The following ZNF8 variants were observed in gnomAD, a reference collection of about 807,000 sequenced individuals.
ZNF8 encodes the protein zinc finger protein 8.
In ZNF8, 9 loss-of-function variants were observed where a neutral mutation model predicts 12.2. The observed-to-expected ratio is 0.73, with a 90% confidence interval of 0.44 to 1.28. The LOEUF is 1.28. Ranked by LOEUF, ZNF8 falls within the 50% of genes most tolerant of loss-of-function variation. The pLI is 0.00. For missense variants in ZNF8, 664 were observed against 729.1 expected (o/e 0.91, Z 1.03); for synonymous variants, 274 against 282.3 (o/e 0.97, Z 0.30).
At position 58,295,591 on chromosome 19, in the gene ZNF8, CA is replaced by C; in HGVS notation, c.*56del. On this transcript the variant is annotated 3_prime_UTR_variant, in exon 4 of 4. Transcript: ENST00000621650. The stretch of plus-strand genomic sequence containing the variant: ...ACAAGTAAAAAATGTGGTAAGTCCA[CA>C]TAGTGTACTCATGGAAGGAGGGGCT... 7.1e-7 allele frequency: 1 copy of C among 1,406,082 alleles called. No homozygotes were observed. The highest frequency in any genetic ancestry group is 9.7e-7 in the Non-Finnish European group (1 of 1,027,238). 87.1% of individuals were successfully genotyped at this position (1,406,082 alleles called of 1,614,324 possible). A position where few individuals can be genotyped will look rare whatever the true frequency, so the allele number is the denominator to read the frequency against.
At chr19:58,291,992 G>A (rs1002913908) in intron 3 of ZNF8, among the ~76,000 whole-genome samples, 2 of 152,248 alleles carry the variant, frequency 1.3e-5, no homozygotes, top group African/African-American at 2.4e-5. Flanking sequence ...GCACAGGGTC[G>A]TGTCCATCCT....
chr19:58,287,881 T>TTTA (rs61096160), intron 3 of ZNF8, among the ~76,000 whole-genome samples: 1 of 147,426 alleles, frequency 6.8e-6, no homozygotes, highest in Non-Finnish European at 1.5e-5. Flanking sequence ...TTTTTTTTTT[T>TTTA]AGAGATGGGG....
rs1020787161 is a variant in ZNF8, at chr19:58,299,458, A to G, written c.*3922A>G. On this transcript the variant is annotated 3_prime_UTR_variant, in exon 4 of 4. Transcript: ENST00000621650. ...CCATGTTGGAATGGTTGAGCATTGG[A>G]ACGCATTAGCATCAGAACTTCCCGT... 1 of 147,820 alleles carries G rather than the reference A, an allele frequency of 6.8e-6. No individual in the cohort carries two copies. The highest frequency in any genetic ancestry group is 2.2e-4 in the South Asian group (1 of 4,446). The allele number at this position is 147,820 out of a possible 1,614,324, so 9.2% of individuals were successfully genotyped here.
Position 58,295,491 on chromosome 19 carries a change from T to G in ZNF8, c.1683T>G (p.Pro561=), listed in dbSNP as rs755891552. Residue 561 remains proline, a synonymous_variant, in exon 4 of 4, where the codon CCT becomes CCG. Transcript: ENST00000621650. The part of the protein sequence containing the change: ...NPVHVIGVEE[P]SVGASMLFDI... ...TGCACGTTATTGGGGTGGAAGAGCC[T>G]TCTGTGGGTGCTTCCATGTTATTTG... is the stretch of plus-strand genomic sequence containing the variant. The G allele has an allele frequency of 1.9e-6, 3 of 1,609,506 alleles. No individual in the cohort carries two copies. In the South Asian group the frequency reaches 3.3e-5, roughly 18 times the overall value.
At chr19:58,288,804 TC>T (rs2051400094) in intron 3 of ZNF8, among the ~76,000 whole-genome samples, 1 of 152,168 alleles carries the variant, frequency 6.6e-6, no homozygotes, top group Non-Finnish European at 1.5e-5. Context: ...GTATGACCTA[TC>T]AACTGGGAGT....
At chr19:58,293,964 AAG>A in intron 3 of ZNF8, 132 bp from the exon 4 acceptor site, 1 of 764,140 alleles carries the variant, frequency 1.3e-6, no homozygotes, top group Non-Finnish European at 2.1e-6. Flanking sequence ...ATGTTAAAAT[AAG>A]AGGAGAATCA....
chr19:58,279,165 AACG>A lies in ZNF8; in HGVS notation c.66+22_66+24del. On this transcript the variant is annotated intron_variant, in intron 1 of 3. Transcript: ENST00000621650. ...GGCTTCAGGTAACAATAACAACAATAACGACGGCGGCGGGCTCCGGGCAAGCGT... is the reference window on the plus strand; with the variant it reads ...GGCTTCAGGTAACAATAACAACAATAACGGCGGCGGGCTCCGGGCAAGCGT... The A allele has an allele frequency of 6.4e-7, 1 of 1,552,424 alleles. No individual in the cohort carries two copies. The highest frequency in any genetic ancestry group is 8.7e-7 in the Non-Finnish European group (1 of 1,150,056).
intron 3 of ZNF8, among the ~76,000 whole-genome samples, chr19:58,293,281 C>T (rs1351597953): frequency 6.6e-6 from 1 of 152,190 alleles, no homozygotes; most frequent in Non-Finnish European, 1.5e-5. Context: ...AGCAGGAAGC[C>T]TGGCACCTGG....
intron 3 of ZNF8, among the ~76,000 whole-genome samples, chr19:58,288,468 C>T (rs1357510896): frequency 1.3e-5 from 2 of 152,142 alleles, no homozygotes; most frequent in Non-Finnish European, 2.9e-5. Context: ...CTGCCAGCCA[C>T]ATCTGTCCCC....
At chr19:58,286,838 T>G (rs958054505) in intron 3 of ZNF8, 1 of 152,392 alleles carries the variant, frequency 6.6e-6, no homozygotes, top group East Asian at 1.9e-4. Context: ...GCTCCCCATC[T>G]TCTAAGCTCA....
At chr19:58,279,403 AT>A (rs1220458557) in intron 1 of ZNF8, 2 of 1,444,226 alleles carry the variant, frequency 1.4e-6, no homozygotes, top group Non-Finnish European at 1.8e-6. Context: ...GGGGTCGGTC[AT>A]TCCCGAGAGA....
intron 1 of ZNF8, among the ~76,000 whole-genome samples, chr19:58,284,394 T>C (rs755683696): frequency 2.0e-4 from 31 of 152,222 alleles, no homozygotes; most frequent in Admixed American, 1.7e-3. Flanking sequence ...GGTGATGCTT[T>C]GTTGACATGG....
chr19:58,300,237 C>A lies in ZNF8; in HGVS notation c.*4701C>A, dbSNP rs993043668. ...GAATTTGATGTCAGCACCCAGCTGA[C>A]CATGGCTTAAACAGATGAGGCTTTG... is the stretch of plus-strand genomic sequence containing the variant. On this transcript the variant is annotated 3_prime_UTR_variant, in exon 4 of 4. Coordinates refer to ENST00000621650, the MANE Select transcript of ZNF8 (RefSeq NM_021089.3). The A allele has an allele frequency of 2.6e-5, 4 of 152,224 alleles. No individual in the cohort carries two copies. The highest frequency in any genetic ancestry group is 2.6e-4 in the Admixed American group (4 of 15,284). The allele number at this position is 152,224 out of a possible 1,614,324, so 9.4% of individuals were successfully genotyped here.
Position 58,279,077 on chromosome 19 carries a change from C to G in ZNF8, c.-5C>G. 1 of 1,506,100 alleles carries G rather than the reference C, an allele frequency of 6.6e-7. No homozygotes were observed. Among genetic ancestry groups the G allele is most frequent in the Non-Finnish European group, 8.9e-7 (1 of 1,120,394 alleles). 93.3% of individuals were successfully genotyped at this position (1,506,100 alleles called of 1,614,324 possible). On this transcript the variant is annotated 5_prime_UTR_variant, in exon 1 of 4. It adds an upstream start codon to the 5' untranslated region. Transcript: ENST00000621650. ...CAGGCGCTGTCCTTCACTGGGCGAT[C>G]CAGCATGGACCCCGAGGACGAAGGG... is the stretch of plus-strand genomic sequence containing the variant.
chr19:58,286,011 G>T lies in ZNF8; in HGVS notation c.194-99G>T, dbSNP rs892924308. The T allele has an allele frequency of 2.8e-5, 40 of 1,406,958 alleles. No individual in the cohort carries two copies. The African/African-American group carries it at 5.1e-4, about 18-fold the overall frequency. The allele number at this position is 1,406,958 out of a possible 1,614,324, so 87.2% of individuals were successfully genotyped here. On this transcript the variant is annotated intron_variant, in intron 2 of 3. Coordinates refer to ENST00000621650, the MANE Select transcript of ZNF8 (RefSeq NM_021089.3). ...GCAGAGCTTCACCATGTTGTGAGGT[G>T]CCCACGTGTCCTCACAGTCGGGAGT...
chr19:58,279,648 A>G (rs567093160), intron 1 of ZNF8: 10 of 1,533,922 alleles, frequency 6.5e-6, no homozygotes, highest in South Asian at 4.8e-5. Context: ...CTTGGGGGCA[A>G]TGATGGGTCA....
At chr19:58,281,007 A>T (rs753851069) in intron 1 of ZNF8, among the ~76,000 whole-genome samples, 14 of 152,122 alleles carry the variant, frequency 9.2e-5, no homozygotes, top group Non-Finnish European at 1.0e-4. Context: ...TGAAAATCCT[A>T]ATCACATCTG....
In ZNF8 at chr19:58,300,405, G is replaced by A. The variant is rs1033700047; in HGVS notation, c.*4869G>A. The stretch of plus-strand genomic sequence containing the variant: ...GTGAAGACTGAAAGAAGGGGGAATG[G>A]GCAGGCCAACACTTACCGCTGATGG... On this transcript the variant is annotated 3_prime_UTR_variant, in exon 4 of 4. Coordinates refer to ENST00000621650, the MANE Select transcript of ZNF8 (RefSeq NM_021089.3). 1.2e-4 allele frequency: 19 copies of A among 152,244 alleles called. No individual in the cohort carries two copies. The highest frequency in any genetic ancestry group is 2.4e-4 in the Non-Finnish European group (16 of 68,060). The allele number at this position is 152,244 out of a possible 1,614,324, so 9.4% of individuals were successfully genotyped here. A position where few individuals can be genotyped will look rare whatever the true frequency, so the allele number is the denominator to read the frequency against.
At chr19:58,290,006 C>T (rs926960877) in intron 3 of ZNF8, among the ~76,000 whole-genome samples, 1 of 151,704 alleles carries the variant, frequency 6.6e-6, no homozygotes, top group African/African-American at 2.4e-5. Flanking sequence ...CCATGTTGGC[C>T]AGGATGGTCT....
Sources: allele counts gnomAD v4.1 joint callset (sites outside exome capture counted in the v4.1 genomes callset), GRCh38; gene constraint gnomAD v4.1.1; transcripts MANE v1.5; gene names NCBI Gene and HGNC (gene_info 2026-07-23, HGNC 2026-07-21).